SIGLEC15: variants seen among roughly 807,000 people sequenced by gnomAD.
SIGLEC15 encodes the protein sialic acid-binding Ig-like lectin 15.
In SIGLEC15, 31 loss-of-function variants were observed where a neutral mutation model predicts 26.2. That is an observed-to-expected ratio of 1.18 (90% CI 0.89 to 1.60). The LOEUF (loss-of-function observed/expected upper bound fraction) is 1.60, where lower values mean the gene tolerates loss of function less well. SIGLEC15 is among the 40% of genes most tolerant of loss of function. The pLI is 0.00. For missense variants in SIGLEC15, 501 were observed against 488.4 expected (o/e 1.03, Z -0.24); for synonymous variants, 207 against 221.9 (o/e 0.93, Z 0.60).
Position 45,837,606 on chromosome 18 carries a change from C to T in SIGLEC15, c.206C>T (p.Pro69Leu), listed in dbSNP as rs540584759. 2.6e-6 allele frequency: 4 copies of T among 1,509,850 alleles called. No individual in the cohort carries two copies. In the African/African-American group the frequency reaches 4.3e-5, roughly 16 times the overall value. The allele number at this position is 1,509,850 out of a possible 1,614,324, so 93.5% of individuals were successfully genotyped here. Residue 69 changes from proline (P) to leucine (L), a missense_variant, in exon 3 of 6, where the codon CCG becomes CTG. By Grantham distance (98) the Pro-to-Leu change is moderately conservative (BLOSUM62 -3). Coordinates refer to ENST00000389474, the MANE Select transcript of SIGLEC15 (RefSeq NM_213602.3). Reference sequence around the variant, plus strand: ...GTGCTGCCCTGCACCTTCACGCACCCGCACCGCCACTACGACGGGCCGCTG... The same window carrying T: ...GTGCTGCCCTGCACCTTCACGCACCTGCACCGCCACTACGACGGGCCGCTG... ...AAVLPCTFTH[P>L]HRHYDGPLTA... is the part of the protein sequence containing the mutation.
At chr18:45,836,135 C>T (rs2048274503) in intron 1 of SIGLEC15, among the ~76,000 whole-genome samples, 1 of 152,160 alleles carries the variant, frequency 6.6e-6, no homozygotes, top group African/African-American at 2.4e-5. Flanking sequence ...GACTCCTGCC[C>T]AAGGAGCAAA....
intron 1 of SIGLEC15, among the ~76,000 whole-genome samples, chr18:45,834,833 G>A (rs966041212): frequency 6.6e-6 from 1 of 152,212 alleles, no homozygotes; most frequent in Non-Finnish European, 1.5e-5. Flanking sequence ...AGATGCAAGA[G>A]GTCAGAGGAG....
intron 4 of SIGLEC15, among the ~76,000 whole-genome samples, chr18:45,839,870 A>G (rs1424646176): frequency 6.6e-6 from 1 of 152,124 alleles, no homozygotes; most frequent in Non-Finnish European, 1.5e-5. Flanking sequence ...CCATAGCACT[A>G]GGCTCACACT....
chr18:45,834,646 T>C (rs1432939504), intron 1 of SIGLEC15, among the ~76,000 whole-genome samples: 2 of 152,244 alleles, frequency 1.3e-5, no homozygotes, highest in African/African-American at 4.8e-5. Context: ...TGTCTCCTTT[T>C]CTAAGCTGCA....
In SIGLEC15 at chr18:45,839,038, T is replaced by TTC. The variant is rs757432530; in HGVS notation, c.818_819dup (p.Lys274SerfsTer41). ...CGCCCTCCTGCTCGGCGCTCTCGGC[T>TTC]TCAAGGCGCTGCTGCTGCTCGGGGT... On this transcript the variant is annotated frameshift_variant, in exon 4 of 6. Transcript: ENST00000389474. LOFTEE classifies it high-confidence loss of function. The TTC allele has an allele frequency of 1.1e-4, 174 of 1,556,842 alleles. No individual in the cohort carries two copies. The African/African-American group carries it at 2.3e-3, about 20-fold the overall frequency.
At chr18:45,836,669 C>G (rs2048278439) in intron 1 of SIGLEC15, among the ~76,000 whole-genome samples, 2 of 152,228 alleles carry the variant, frequency 1.3e-5, no homozygotes, top group Non-Finnish European at 2.9e-5. Flanking sequence ...GGCAGTGAAA[C>G]AGCCCACCTC....
chr18:45,840,286 A>G (rs2048314500), intron 5 of SIGLEC15, 45 bp downstream of exon 5: 3 of 1,587,614 alleles, frequency 1.9e-6, no homozygotes, highest in Non-Finnish European at 2.6e-6. Context: ...CCACCCACCT[A>G]GTCCTCATCA....
chr18:45,838,990 G>C lies in SIGLEC15; in HGVS notation c.769G>C (p.Gly257Arg). 6.3e-7 allele frequency: 1 copy of C among 1,598,280 alleles called. No individual in the cohort carries two copies. Among genetic ancestry groups the C allele is most frequent in the Non-Finnish European group, 8.5e-7 (1 of 1,176,830 alleles). Residue 257 changes from glycine to arginine, a missense_variant, in exon 4 of 6, where the codon GGC (glycine) becomes CGC (arginine). Physicochemically the swap from Gly to Arg is moderately radical, Grantham distance 125 (BLOSUM62 -2). Coordinates refer to ENST00000389474, the MANE Select transcript of SIGLEC15 (RefSeq NM_213602.3). ...CAGCGTCTACCTGTTCCGCTTCCAT[G>C]GCGCCAGCGGGGCCTCGACGGTCGC... The part of the protein sequence containing the change: ...EASVYLFRFH[G>R]ASGASTVALL...
At chr18:45,841,470 C>A (rs989815837) in intron 5 of SIGLEC15, among the ~76,000 whole-genome samples, 5 of 152,088 alleles carry the variant, frequency 3.3e-5, no homozygotes, top group Non-Finnish European at 5.9e-5. Flanking sequence ...TGGTTTTAAG[C>A]GGACGCATGG....
intron 5 of SIGLEC15, among the ~76,000 whole-genome samples, chr18:45,841,412 G>A (rs1319735767): frequency 1.3e-5 from 2 of 152,184 alleles, no homozygotes; most frequent in Non-Finnish European, 2.9e-5. Context: ...CGGGAGGAAG[G>A]CAGGAAAGGC....
At chr18:45,834,637 GT>G (rs1425491224) in intron 1 of SIGLEC15, among the ~76,000 whole-genome samples, 1 of 152,208 alleles carries the variant, frequency 6.6e-6, no homozygotes, top group African/African-American at 2.4e-5. Context: ...CTACAAATCT[GT>G]CTCCTTTTCT....
At chr18:45,837,416 TG>T (rs2048284234) in intron 2 of SIGLEC15, 96 bp from the exon 3 acceptor site, 1 of 1,379,920 alleles carries the variant, frequency 7.2e-7, no homozygotes, top group Non-Finnish European at 9.4e-7. Context: ...GGCTAGGGGT[TG>T]GGGGAGCGTT....
At chr18:45,836,904 C>A (rs997795896) in intron 1 of SIGLEC15, 125 bp from the exon 2 acceptor site, 4 of 651,346 alleles carry the variant, frequency 6.1e-6, no homozygotes, top group African/African-American at 5.4e-5. Flanking sequence ...AGAATGCAGG[C>A]TGTAGAGTGA....
At chr18:45,826,432 G>T (rs2048185726) in intron 1 of SIGLEC15, among the ~76,000 whole-genome samples, 1 of 152,186 alleles carries the variant, frequency 6.6e-6, no homozygotes, top group Non-Finnish European at 1.5e-5. Context: ...CTAAAATGCA[G>T]GTTCTTTGGC....
chr18:45,839,536 C>T (rs1035991150), intron 4 of SIGLEC15, among the ~76,000 whole-genome samples: 6 of 152,082 alleles, frequency 3.9e-5, no homozygotes, highest in African/African-American at 1.4e-4. Flanking sequence ...GCGTGCTGAG[C>T]GGTAGACAGA....
intron 1 of SIGLEC15, among the ~76,000 whole-genome samples, chr18:45,829,723 C>A (rs1599387609): frequency 6.6e-6 from 1 of 152,128 alleles, no homozygotes; most frequent in Non-Finnish European, 1.5e-5. Flanking sequence ...CACTCGTCAG[C>A]TGGTAATGTC....
At chr18:45,841,231 G>A (rs1261764217) in intron 5 of SIGLEC15, 1 of 153,122 alleles carries the variant, frequency 6.5e-6, no homozygotes, top group East Asian at 1.9e-4. Flanking sequence ...GAGGGGACCT[G>A]AGGATGGAGG....
intron 1 of SIGLEC15, among the ~76,000 whole-genome samples, chr18:45,836,398 G>C (rs1599394078): frequency 6.6e-6 from 1 of 150,816 alleles, no homozygotes; most frequent in African/African-American, 2.5e-5. Flanking sequence ...TTTGTGAACT[G>C]CACCCTGGGG....
At chr18:45,842,018 T>A (rs1291041062) in intron 5 of SIGLEC15, 88 bp from the exon 6 acceptor site, 23 of 1,216,982 alleles carry the variant, frequency 1.9e-5, no homozygotes, top group Non-Finnish European at 2.7e-5. Context: ...GAATGTCTCC[T>A]CTTCTTGGCC....
Sources: allele counts gnomAD v4.1 joint callset (sites outside exome capture counted in the v4.1 genomes callset), GRCh38; gene constraint gnomAD v4.1.1; transcripts MANE v1.5; gene names NCBI Gene and HGNC (gene_info 2026-07-23, HGNC 2026-07-21).